Variants in EMC8 observed in about 807,000 individuals in gnomAD.
The protein encoded by EMC8 is ER membrane protein complex subunit 8.
A neutral mutation model predicts 24.3 loss-of-function variants in EMC8; 11 were observed. That is an observed-to-expected ratio of 0.45 (90% confidence interval 0.28 to 0.75). The LOEUF (loss-of-function observed/expected upper bound fraction) is 0.75. Ranked by LOEUF, EMC8 falls within the 30% of genes least tolerant of loss-of-function variation. The pLI is 0.12. For missense variants in EMC8, 277 were observed against 282.7 expected (o/e 0.98, Z 0.14); for synonymous variants, 145 against 117.7 (o/e 1.23, Z -1.50).
At chr16:85,797,281 G>C (rs920268133) in intron 1 of EMC8, among the ~76,000 whole-genome samples, 2 of 152,270 alleles carry the variant, frequency 1.3e-5, no homozygotes, top group Non-Finnish European at 2.9e-5. Flanking sequence ...GGTGGTGGAC[G>C]CCTGAAATCC....
intron 2 of EMC8, chr16:85,787,685 C>G (rs1416468973): frequency 6.6e-6 from 1 of 152,210 alleles, no homozygotes; most frequent in African/African-American, 2.4e-5. Flanking sequence ...TCAGAGGAAG[C>G]AGCAGAAGAG....
intron 2 of EMC8, among the ~76,000 whole-genome samples, chr16:85,783,108 G>C (rs533346276): frequency 1.3e-5 from 2 of 152,304 alleles, no homozygotes; most frequent in African/African-American, 4.8e-5. Flanking sequence ...TTCGAGACCA[G>C]CCTGGCCAAC....
At chr16:85,798,925 C>G (rs888242025) in intron 1 of EMC8, 140 bp downstream of exon 1, 1 of 599,982 alleles carries the variant, frequency 1.7e-6, no homozygotes, top group African/African-American at 1.9e-5. Flanking sequence ...CATCGTGGAT[C>G]ACCCCATTCC....
intron 1 of EMC8, among the ~76,000 whole-genome samples, chr16:85,797,572 T>C (rs780543141): frequency 2.2e-4 from 33 of 152,190 alleles, no homozygotes; most frequent in Non-Finnish European, 3.7e-4. Flanking sequence ...GGAAATGATA[T>C]GAAGTTTAAC....
chr16:85,788,354 G>C (rs1466327825), intron 2 of EMC8, among the ~76,000 whole-genome samples: 2 of 152,248 alleles, frequency 1.3e-5, no homozygotes, highest in Non-Finnish European at 2.9e-5. Context: ...CGTTATCTAC[G>C]GCCCAGGCCT....
intron 1 of EMC8, among the ~76,000 whole-genome samples, chr16:85,797,582 C>T (rs1053580300): frequency 6.6e-5 from 10 of 152,168 alleles, no homozygotes; most frequent in African/African-American, 2.4e-4. Flanking sequence ...TGAAGTTTAA[C>T]TTTAACAGGC....
rs1279333792 is a variant in EMC8 at position 85,778,803 on chromosome 16, A to G, written c.*905T>C. ...AGGTACCGCTCTCTGAACTTTGTAC[A>G]AAATAATTCATATAAAAAGGAAAAA... On this transcript the variant is annotated 3_prime_UTR_variant, in exon 5 of 5. Transcript: ENST00000253457. 3 of 152,250 alleles carry G rather than the reference A, an allele frequency of 2.0e-5. No individual in the cohort carries two copies. The highest frequency in any genetic ancestry group is 7.2e-5 in the African/African-American group (3 of 41,456). 9.4% of individuals were successfully genotyped at this position (152,250 alleles called of 1,614,324 possible).
chr16:85,791,779 C>G, intron 1 of EMC8, among the ~76,000 whole-genome samples: 1 of 152,182 alleles, frequency 6.6e-6, no homozygotes. Context: ...CATCATCCAT[C>G]TCTTCCTCTC....
At chr16:85,796,890 A>G (rs1388403576) in intron 1 of EMC8, among the ~76,000 whole-genome samples, 1 of 152,222 alleles carries the variant, frequency 6.6e-6, no homozygotes, top group East Asian at 1.9e-4. Context: ...TGTGAGGTTT[A>G]GGTGCTGTGC....
chr16:85,792,373 C>T (rs1905053530), intron 1 of EMC8: 1 of 152,186 alleles, frequency 6.6e-6, no homozygotes, highest in South Asian at 2.1e-4. Flanking sequence ...TCTGGCCTGG[C>T]TTTAGAATTT....
intron 1 of EMC8, chr16:85,792,915 A>T (rs149464783): frequency 1.3e-5 from 2 of 152,326 alleles, no homozygotes; most frequent in African/African-American, 4.8e-5. Context: ...GATGAAAATA[A>T]AAGGTCAGGA....
chr16:85,781,828 A>T (rs1904518928), intron 2 of EMC8: 1 of 152,984 alleles, frequency 6.5e-6, no homozygotes, highest in African/African-American at 2.4e-5. Flanking sequence ...GCACATCTGG[A>T]GTGCAATGGA....
intron 1 of EMC8, among the ~76,000 whole-genome samples, chr16:85,793,248 A>G (rs73259045): frequency 0.021 from 3,240 of 152,336 alleles, 118 homozygotes; most frequent in African/African-American, 0.073. Context: ...ATAACCGTAA[A>G]GAAGGCGAGG....
intron 3 of EMC8, 144 bp downstream of exon 3, chr16:85,781,067 G>A (rs1475633149): frequency 7.9e-6 from 5 of 632,502 alleles, no homozygotes; most frequent in Admixed American, 5.0e-5. Context: ...GTCTGCAGCT[G>A]AGAGAAAACT....
chr16:85,778,683 T>G lies in EMC8; in HGVS notation c.*1025A>C, dbSNP rs1380799969. On this transcript the variant is annotated 3_prime_UTR_variant, in exon 5 of 5. Transcript: ENST00000253457. Reference sequence around the variant, plus strand: ...GATGTCTGAACTTTTTTCCTATGTGTTAAGAGAAAATAGTGACCGCTGTAT... The same window carrying G: ...GATGTCTGAACTTTTTTCCTATGTGGTAAGAGAAAATAGTGACCGCTGTAT... 1 of 152,214 alleles carries G rather than the reference T, an allele frequency of 6.6e-6. No individual in the cohort carries two copies. The highest frequency in any genetic ancestry group is 2.4e-5 in the African/African-American group (1 of 41,460). The allele number at this position is 152,214 out of a possible 1,614,324, so 9.4% of individuals were successfully genotyped here.
At chr16:85,780,738 G>C in intron 3 of EMC8, 1 of 529,128 alleles carries the variant, frequency 1.9e-6, no homozygotes. Flanking sequence ...GATTCTGTCT[G>C]AATCAAGGCT....
chr16:85,788,039 G>A (rs548571755), intron 2 of EMC8, among the ~76,000 whole-genome samples: 12 of 152,298 alleles, frequency 7.9e-5, no homozygotes, highest in Admixed American at 5.2e-4. Flanking sequence ...CTGGAGGGTC[G>A]GCTCTATCTG....
intron 1 of EMC8, among the ~76,000 whole-genome samples, chr16:85,795,772 A>G (rs937375698): frequency 6.6e-6 from 1 of 152,056 alleles, no homozygotes; most frequent in Non-Finnish European, 1.5e-5. Context: ...TCAAATCCAA[A>G]CAGGAAGCCA....
rs1218267903 is a variant in EMC8 at position 85,786,216 on chromosome 16, A to C, written c.308+2758T>G. Reference sequence around the variant, plus strand: ...CAGAGGCCCAAGGAGGTTAATCAGTAAGTCACCTAGAATTTGAATCCAGGT... The same window carrying C: ...CAGAGGCCCAAGGAGGTTAATCAGTCAGTCACCTAGAATTTGAATCCAGGT... On this transcript the variant is annotated intron_variant, in intron 2 of 4. Transcript: ENST00000253457. Among the ~76,000 whole-genome samples the C allele has an allele frequency of 2.0e-5, 3 of 152,248 alleles. No individual in the cohort carries two copies. In the East Asian group the frequency reaches 5.8e-4, roughly 29 times the overall value.
Sources: allele counts gnomAD v4.1 joint callset (sites outside exome capture counted in the v4.1 genomes callset), GRCh38; gene constraint gnomAD v4.1.1; transcripts MANE v1.5; gene names NCBI Gene and HGNC (gene_info 2026-07-23, HGNC 2026-07-21).